Variants in NLGN4X observed in about 807,000 individuals in gnomAD.
NLGN4X encodes the protein neuroligin 4 X-linked.
A neutral mutation model predicts 40.3 loss-of-function variants in NLGN4X; 3 were observed. The ratio of observed to expected loss-of-function variants is 0.07; its 90% CI spans 0.03 to 0.19. NLGN4X has a LOEUF of 0.19. Among genes scored for constraint, NLGN4X ranks in the 10% least tolerant of loss-of-function variants. The probability of loss-of-function intolerance (pLI) is 1.00; values close to 1 mark genes in which losing one functional copy is unlikely to be tolerated. For missense variants in NLGN4X, 382 were observed against 708.3 expected (o/e 0.54, Z 5.23); for synonymous variants, 270 against 306.8 (o/e 0.88, Z 1.25).
intron 2 of NLGN4X, among the ~76,000 whole-genome samples, chrX:6,105,016 T>G (rs151024930): frequency 2.2e-4 from 24 of 111,537 alleles, no homozygotes; most frequent in African/African-American, 7.2e-4. Flanking sequence ...TAAAATCACA[T>G]TAGACCATTT....
At chrX:6,071,379 G>C (rs1400758213) in intron 2 of NLGN4X, among the ~76,000 whole-genome samples, 2 of 110,967 alleles carry the variant, frequency 1.8e-5, no homozygotes, top group Admixed American at 9.6e-5. Context: ...AGAGTAATAC[G>C]CCCATTTTAG....
chrX:5,929,108 T>G (rs1272963834), intron 3 of NLGN4X, among the ~76,000 whole-genome samples: 4 of 111,842 alleles, frequency 3.6e-5, no homozygotes, highest in Non-Finnish European at 5.6e-5. Context: ...AAAATCTACA[T>G]AAGATTTAAT....
At chrX:5,901,424 C>A (rs1371921552) in intron 5 of NLGN4X, among the ~76,000 whole-genome samples, 1 of 111,498 alleles carries the variant, frequency 9.0e-6, no homozygotes, top group Non-Finnish European at 1.9e-5. Flanking sequence ...ACTGGTAGAA[C>A]AGAATGACAC....
rs749477993 is a variant in NLGN4X at position 5,909,225 on chromosome X, C to T, written c.640G>A (p.Gly214Ser). ...TAGTTGCCTTTTGCTGCCTGGTCAC[C>T]GGTACTTAAAAACCCTACAAAAGAA... The part of the protein sequence containing the change: ...RLGILGFLST[G>S]DQAAKGNYGL... The change falls in exon 4 of 6, where the codon GGT becomes AGT. Residue 214 changes from glycine to serine, a missense_variant. This residue lies in a region of NLGN4X where 32 missense variants were observed against 85.2 expected (regional missense o/e 0.38). Coordinates refer to ENST00000381095, the MANE Select transcript of NLGN4X (RefSeq NM_181332.3). 9.9e-6 allele frequency: 12 copies of T among 1,209,486 alleles called. No homozygotes were observed. Among genetic ancestry groups the T allele is most frequent in the Non-Finnish European group, 8.9e-6 (8 of 895,147 alleles).
intron 2 of NLGN4X, among the ~76,000 whole-genome samples, chrX:6,098,829 T>C (rs1167143984): frequency 5.4e-5 from 6 of 112,016 alleles, no homozygotes; most frequent in African/African-American, 1.9e-4. Flanking sequence ...TCAATATGTA[T>C]CCTCACAACT....
chrX:6,175,005 T>C (rs770974770), intron 1 of NLGN4X, among the ~76,000 whole-genome samples: 63 of 111,986 alleles, frequency 5.6e-4, no homozygotes, highest in African/African-American at 1.9e-3. Flanking sequence ...AAGGCTCCTG[T>C]GTTACACAAA....
chrX:6,214,471 C>T (rs1187009036), intron 1 of NLGN4X, among the ~76,000 whole-genome samples: 1 of 111,781 alleles, frequency 8.9e-6, no homozygotes, highest in Admixed American at 9.5e-5. Context: ...AAAAGAGGGT[C>T]GTGGAGCCTC....
chrX:6,113,605 C>T (rs1246838037), intron 2 of NLGN4X, among the ~76,000 whole-genome samples: 1 of 109,054 alleles, frequency 9.2e-6, no homozygotes, highest in African/African-American at 3.3e-5. Flanking sequence ...GTAAAAATGG[C>T]CCAGAATTAT....
intron 3 of NLGN4X, among the ~76,000 whole-genome samples, chrX:5,955,803 A>AAC (rs1471382439): frequency 5.6e-5 from 4 of 71,512 alleles, no homozygotes; most frequent in Admixed American, 3.9e-4. Context: ...AAAAAAGGAG[A>AAC]AACAACCACA....
chrX:5,932,137 C>T (rs1018311572), intron 3 of NLGN4X, among the ~76,000 whole-genome samples: 2 of 111,194 alleles, frequency 1.8e-5, no homozygotes, highest in Non-Finnish European at 1.9e-5. Context: ...CTGTTTCACC[C>T]CCTTCCCCTC....
At chrX:5,911,298 G>T (rs2032465234) in intron 3 of NLGN4X, among the ~76,000 whole-genome samples, 1 of 111,915 alleles carries the variant, frequency 8.9e-6, no homozygotes, top group Admixed American at 9.5e-5. Context: ...TTTTGTTTCT[G>T]TGGAGGAGTA....
chrX:6,070,182 T>A (rs1244028992), intron 2 of NLGN4X, among the ~76,000 whole-genome samples: 2 of 111,339 alleles, frequency 1.8e-5, no homozygotes, highest in Non-Finnish European at 3.8e-5. Context: ...AAGGCTTTTT[T>A]TTTTAATGTA....
intron 2 of NLGN4X, among the ~76,000 whole-genome samples, chrX:6,087,004 T>G (rs2038513452): frequency 8.9e-6 from 1 of 111,925 alleles, no homozygotes; most frequent in Non-Finnish European, 1.9e-5. Flanking sequence ...AATTCTAACC[T>G]GTGCTAGTTT....
chrX:6,013,896 A>G (rs1299525860), intron 3 of NLGN4X, among the ~76,000 whole-genome samples: 1 of 110,573 alleles, frequency 9.0e-6, no homozygotes, highest in Non-Finnish European at 1.9e-5. Context: ...AAAAGTGAAC[A>G]TCCTGGCCAG....
At chrX:6,227,512 C>A (rs1040719347) in intron 1 of NLGN4X, among the ~76,000 whole-genome samples, 2 of 109,847 alleles carry the variant, frequency 1.8e-5, no homozygotes, top group African/African-American at 6.7e-5. Context: ...TGCAAGCCCC[C>A]CCGCGCCCCC....
intron 2 of NLGN4X, among the ~76,000 whole-genome samples, chrX:6,123,287 C>T (rs758896714): frequency 9.0e-6 from 1 of 111,566 alleles, no homozygotes; most frequent in Non-Finnish European, 1.9e-5. Context: ...TGCAAAGCAA[C>T]GTAGGATACA....
intron 3 of NLGN4X, among the ~76,000 whole-genome samples, chrX:5,937,754 C>G (rs2033779444): frequency 1.8e-5 from 2 of 111,299 alleles, no homozygotes; most frequent in African/African-American, 6.5e-5. Flanking sequence ...ATAGGGAAAC[C>G]CACATTATCT....
At chrX:5,997,077 T>C in intron 3 of NLGN4X, among the ~76,000 whole-genome samples, 1 of 110,852 alleles carries the variant, frequency 9.0e-6, no homozygotes, top group East Asian at 2.8e-4. Context: ...GTTGCTCCTA[T>C]ATAAATCATG....
At chrX:6,001,004 TG>T (rs1272775811) in intron 3 of NLGN4X, among the ~76,000 whole-genome samples, 1 of 111,470 alleles carries the variant, frequency 9.0e-6, no homozygotes, top group South Asian at 3.8e-4. Flanking sequence ...CTTACAATCA[TG>T]GCGGAAGGGG....
Sources: allele counts gnomAD v4.1 joint callset (sites outside exome capture counted in the v4.1 genomes callset), GRCh38; gene constraint gnomAD v4.1.1; regional missense constraint gnomAD v4.1.1; transcripts MANE v1.5; gene names NCBI Gene and HGNC (gene_info 2026-07-23, HGNC 2026-07-21).